TNFRSF1B: variants seen among roughly 807,000 people sequenced by gnomAD.
The protein encoded by TNFRSF1B is TNF receptor superfamily member 1B.
TNFRSF1B carries 19 observed loss-of-function variants against 44.6 expected under a neutral mutation model. That is an observed-to-expected ratio of 0.43 (90% CI 0.30 to 0.62). The LOEUF (loss-of-function observed/expected upper bound fraction) is 0.62, where lower values mean the gene tolerates loss of function less well. Ranked by LOEUF, TNFRSF1B falls within the 20% of genes least tolerant of loss-of-function variation. The pLI is 0.16. For synonymous variants in TNFRSF1B, 252 were observed against 261.1 expected (o/e 0.97, Z 0.34); for missense variants, 541 against 619.9 (o/e 0.87, Z 1.35).
At chr1:12,179,463 C>T (rs632756) in intron 1 of TNFRSF1B, among the ~76,000 whole-genome samples, 4,206 of 152,328 alleles carry the variant, frequency 0.028, 61 homozygotes, top group Non-Finnish European at 0.035. Context: ...ATGCAAATGA[C>T]GTGGTTTCCG....
intron 3 of TNFRSF1B, 139 bp downstream of exon 3, chr1:12,191,224 C>G: frequency 8.5e-7 from 1 of 1,178,354 alleles, no homozygotes; most frequent in Non-Finnish European, 1.2e-6. Flanking sequence ...AGCTGTTTAC[C>G]CCTACCACTG....
At chr1:12,194,729 G>A in intron 8 of TNFRSF1B, 111 bp downstream of exon 8, 3 of 1,379,796 alleles carry the variant, frequency 2.2e-6, no homozygotes, top group Non-Finnish European at 3.1e-6. Flanking sequence ...AGTGTCAGGA[G>A]GTGTGCAGAG....
Position 12,169,082 on chromosome 1 carries a change from G to T in TNFRSF1B, c.78+1913G>T, listed in dbSNP as rs867913395. Among the ~76,000 whole-genome samples, 4 of 152,154 alleles carry T rather than the reference G, an allele frequency of 2.6e-5. No individual in the cohort carries two copies. Among genetic ancestry groups the T allele is most frequent in the Middle Eastern group, 3.2e-3 (1 of 316 alleles). ...GACACTTCTTACCCCTATCCTTCAAGGCCTTCTGCAAATGCCATTCTCTCC... is the reference window on the plus strand; with the variant it reads ...GACACTTCTTACCCCTATCCTTCAATGCCTTCTGCAAATGCCATTCTCTCC... On this transcript the variant is annotated intron_variant, in intron 1 of 9. Coordinates refer to ENST00000376259, the MANE Select transcript of TNFRSF1B (RefSeq NM_001066.3). The surrounding 1 kb of genome is among the most constrained non-coding windows in gnomAD (Gnocchi z 4.5).
intron 1 of TNFRSF1B, 76 bp from the exon 2 acceptor site, chr1:12,188,720 G>C: frequency 7.3e-7 from 1 of 1,370,478 alleles, no homozygotes; most frequent in Non-Finnish European, 1.0e-6. Context: ...CATTTGCAGG[G>C]CGGGGACCTG....
chr1:12,192,276 C>CTGTGTGTGTG (rs4044500), intron 4 of TNFRSF1B, 155 bp from the exon 5 acceptor site: 124 of 688,820 alleles, frequency 1.8e-4, no homozygotes, highest in African/African-American at 1.7e-3. Flanking sequence ...GTACAGGCAT[C>CTGTGTGTGTG]TGTGTGTGTG....
At position 12,183,740 on chromosome 1, in the gene TNFRSF1B, TCTATCTATCTAGCTAGCTAGCTAG is replaced by T. The variant is rs1557629209; in HGVS notation, c.79-5052_79-5029del. ...ATCTACCTATCTATCTATCTATCTA[TCTATCTATCTAGCTAGCTAGCTAG>T]CTAGCTATCTATTCTATCTACCTAC... On this transcript the variant is annotated intron_variant, in intron 1 of 9. Transcript: ENST00000376259. 1.7e-3 allele frequency among the ~76,000 whole-genome samples: 229 copies of T among 131,150 alleles called. 6 individuals carry two copies. Among genetic ancestry groups the T allele is most frequent in the South Asian group, 6.0e-3 (24 of 3,992 alleles). The allele number at this position is 131,150 out of a possible 152,430, so 86.0% of individuals were successfully genotyped here.
chr1:12,204,815 C>T (rs1639466486), intron 9 of TNFRSF1B, among the ~76,000 whole-genome samples: 1 of 151,074 alleles, frequency 6.6e-6, no homozygotes, highest in African/African-American at 2.5e-5. Context: ...CCACCACCAC[C>T]AACAAAAAAA....
In TNFRSF1B at chr1:12,206,850, G is replaced by A; in HGVS notation, c.1216G>A (p.Gly406Arg). 1 of 1,614,212 alleles carries A rather than the reference G, an allele frequency of 6.2e-7. No homozygotes were observed. Among genetic ancestry groups the A allele is most frequent in the Non-Finnish European group, 8.5e-7 (1 of 1,180,036 alleles). Residue 406 changes from glycine (G) to arginine (R), a missense_variant, in exon 10 of 10, where the codon GGA becomes AGA. Gly to Arg is a moderately radical substitution (Grantham distance 125). Transcript: ENST00000376259. ...QCSSQASSTM[G>R]DTDSSPSESP... Reference sequence around the variant, plus strand: ...CTCCTCCCAAGCCAGCTCCACAATGGGAGACACAGATTCCAGCCCCTCGGA... The same window carrying A: ...CTCCTCCCAAGCCAGCTCCACAATGAGAGACACAGATTCCAGCCCCTCGGA...
chr1:12,191,053 A>G lies in TNFRSF1B; in HGVS notation c.275A>G (p.Glu92Gly). The G allele has an allele frequency of 6.2e-7, 1 of 1,614,150 alleles. No individual in the cohort carries two copies. Among genetic ancestry groups the G allele is most frequent in the Non-Finnish European group, 8.5e-7 (1 of 1,180,012 alleles). Residue 92 changes from glutamate to glycine, a missense_variant, in exon 3 of 10, where the codon GAG (glutamate) becomes GGG (glycine). Physicochemically the swap from Glu to Gly is moderately conservative, Grantham distance 98 (BLOSUM62 -2). Coordinates refer to ENST00000376259, the MANE Select transcript of TNFRSF1B (RefSeq NM_001066.3). ...TYTQLWNWVPECLSCGSRCSS... is the reference protein window; with the variant it reads ...TYTQLWNWVPGCLSCGSRCSS... Reference sequence around the variant, plus strand: ...ACCCAGCTCTGGAACTGGGTTCCCGAGTGCTTGAGCTGTGGCTCCCGCTGT... The same window carrying G: ...ACCCAGCTCTGGAACTGGGTTCCCGGGTGCTTGAGCTGTGGCTCCCGCTGT...
At position 12,183,774 on chromosome 1, in the gene TNFRSF1B, T is replaced by C. The variant is rs1458129070; in HGVS notation, c.79-5022T>C. Among the ~76,000 whole-genome samples, 3 of 137,848 alleles carry C rather than the reference T, an allele frequency of 2.2e-5. 1 individual carries two copies. The highest frequency in any genetic ancestry group is 7.8e-5 in the African/African-American group (3 of 38,224). The allele number at this position is 137,848 out of a possible 152,430, so 90.4% of individuals were successfully genotyped here. On this transcript the variant is annotated intron_variant, in intron 1 of 9. Coordinates refer to ENST00000376259, the MANE Select transcript of TNFRSF1B (RefSeq NM_001066.3). ...CTAGCTAGCTAGCTAGCTAGCTATC[T>C]ATTCTATCTACCTACCTATCTATCT...
intron 3 of TNFRSF1B, 123 bp from the exon 4 acceptor site, chr1:12,191,651 C>T: frequency 8.1e-7 from 1 of 1,236,428 alleles, no homozygotes; most frequent in Non-Finnish European, 1.2e-6. Flanking sequence ...GTGTGTGCCC[C>T]ATGCTGAGGC....
Position 12,199,741 on chromosome 1 carries a change from C to G in TNFRSF1B, c.901-2226C>G, listed in dbSNP as rs1639347704. Among the ~76,000 whole-genome samples, 6 of 152,164 alleles carry G rather than the reference C, an allele frequency of 3.9e-5. No homozygotes were observed. The highest frequency in any genetic ancestry group is 1.5e-5 in the Non-Finnish European group (1 of 68,020). On this transcript the variant is annotated intron_variant, in intron 8 of 9. Transcript: ENST00000376259. This position sits in a 1 kb window ranked among gnomAD's most constrained non-coding sequence, Gnocchi z 4.0. ...TGGCACCTGCGCTGCTCGCTCCACC[C>G]CTGCTCTCACCTCCCGCTGCAGTGC... is the stretch of plus-strand genomic sequence containing the variant.
In TNFRSF1B at chr1:12,187,153, TC is replaced by T. The variant is rs1249622854; in HGVS notation, c.79-1642del. Among the ~76,000 whole-genome samples, 39 of 148,886 alleles carry T rather than the reference TC, an allele frequency of 2.6e-4. No homozygotes were observed. Among genetic ancestry groups the T allele is most frequent in the African/African-American group, 9.6e-4 (39 of 40,458 alleles). ...GCCTTTGCTTTTCTCTTTTCTCCCC[TC>T]TTTTTTTTTTTTTTTCGAGATGGAG... On this transcript the variant is annotated intron_variant, in intron 1 of 9. Transcript: ENST00000376259. The surrounding 1 kb of genome is among the most constrained non-coding windows in gnomAD (Gnocchi z 5.5).
chr1:12,206,891 G>A lies in TNFRSF1B; in HGVS notation c.1257G>A (p.Glu419=), dbSNP rs902150853. Residue 419 remains glutamate (E), a synonymous_variant, in exon 10 of 10, where the codon GAG becomes GAA. Transcript: ENST00000376259. ...DSSPSESPKD[E]QVPFSKEECA... ...GCCCCTCGGAGTCCCCGAAGGACGA[G>A]CAGGTCCCCTTCTCCAAGGAGGAAT... 4 of 1,614,242 alleles carry A rather than the reference G, an allele frequency of 2.5e-6. No homozygotes were observed. Among genetic ancestry groups the A allele is most frequent in the South Asian group, 1.1e-5 (1 of 91,090 alleles).
In TNFRSF1B at chr1:12,200,069, G is replaced by A. The variant is rs529239842; in HGVS notation, c.901-1898G>A. ...CAGAGTTGAAACCCCAGACACCCAGGAAAGGCCCTTTGGGATTTAGCCCAG... is the reference window on the plus strand; with the variant it reads ...CAGAGTTGAAACCCCAGACACCCAGAAAAGGCCCTTTGGGATTTAGCCCAG... On this transcript the variant is annotated intron_variant, in intron 8 of 9. Transcript: ENST00000376259. 5.7e-4 allele frequency among the ~76,000 whole-genome samples: 87 copies of A among 152,260 alleles called. 3 individuals are homozygous for A. Among genetic ancestry groups the A allele is most frequent in the Admixed American group, 1.4e-3 (21 of 15,296 alleles).
intron 1 of TNFRSF1B, among the ~76,000 whole-genome samples, chr1:12,172,420 G>C (rs187523417): frequency 3.9e-4 from 60 of 152,360 alleles, no homozygotes; most frequent in Admixed American, 7.8e-4. Flanking sequence ...CTGGCTGTCA[G>C]GATTAAAAGT....
In TNFRSF1B at chr1:12,177,302, C is replaced by T. The variant is rs1006085488; in HGVS notation, c.78+10133C>T. ...GATTACAGGCGGGAGCCACCGTGCC[C>T]GGCCCCAGTGGACTGATTCTGGTCA... On this transcript the variant is annotated intron_variant, in intron 1 of 9. Coordinates refer to ENST00000376259, the MANE Select transcript of TNFRSF1B (RefSeq NM_001066.3). The surrounding 1 kb of genome is among the most constrained non-coding windows in gnomAD (Gnocchi z 4.3). Among the ~76,000 whole-genome samples the T allele has an allele frequency of 3.9e-5, 6 of 152,156 alleles. No individual in the cohort carries two copies. Among genetic ancestry groups the T allele is most frequent in the Admixed American group, 3.3e-4 (5 of 15,282 alleles).
In TNFRSF1B at chr1:12,175,223, C is replaced by T. The variant is rs190651726; in HGVS notation, c.78+8054C>T. Among the ~76,000 whole-genome samples the T allele has an allele frequency of 2.4e-4, 37 of 152,340 alleles. No homozygotes were observed. The East Asian group carries it at 6.7e-3, about 28-fold the overall frequency. ...GGGCCTGGGGCTGGGAGTCAGGGGT[C>T]TGAGGCCTCATCTTGGCCCGGCCTC... On this transcript the variant is annotated intron_variant, in intron 1 of 9. Coordinates refer to ENST00000376259, the MANE Select transcript of TNFRSF1B (RefSeq NM_001066.3).
intron 9 of TNFRSF1B, among the ~76,000 whole-genome samples, chr1:12,202,570 C>T (rs1216228527): frequency 1.3e-5 from 2 of 152,208 alleles, no homozygotes; most frequent in African/African-American, 2.4e-5. Context: ...TGTGGGACAC[C>T]TGGTGAGCCT....
Sources: allele counts gnomAD v4.1 joint callset (sites outside exome capture counted in the v4.1 genomes callset), GRCh38; gene constraint gnomAD v4.1.1; non-coding constraint Gnocchi (gnomAD v3.1); transcripts MANE v1.5; gene names NCBI Gene and HGNC (gene_info 2026-07-23, HGNC 2026-07-21).